Variants in TLR8 observed in about 807,000 individuals in gnomAD.
TLR8 encodes the protein toll like receptor 8.
A neutral mutation model predicts 18.5 loss-of-function variants in TLR8; 5 were observed. That is an observed-to-expected ratio of 0.27 (90% confidence interval 0.14 to 0.57). TLR8 has a LOEUF of 0.57. Among genes scored for constraint, TLR8 ranks in the 20% least tolerant of loss-of-function variants. TLR8 has a pLI of 0.92. For synonymous variants in TLR8, 299 were observed against 300.1 expected (o/e 1.00, Z 0.04); for missense variants, 543 against 769.8 (o/e 0.71, Z 3.49).
chrX:12,915,393 T>C (rs1351761562), intron 1 of TLR8, among the ~76,000 whole-genome samples: 1 of 112,461 alleles, frequency 8.9e-6, no homozygotes, highest in Non-Finnish European at 1.9e-5. Flanking sequence ...GTCCAACTCC[T>C]GAGCTCCAGT....
chrX:12,918,952 AC>A (rs1359264558), intron 1 of TLR8, 91 bp from the exon 2 acceptor site: 1 of 957,158 alleles, frequency 1.0e-6, no homozygotes, highest in Non-Finnish European at 1.4e-6. Context: ...CAAAATTCAT[AC>A]AAGTATGGGG....
In TLR8 at chrX:12,922,289, C is replaced by A; in HGVS notation, c.*123C>A. 1.1e-6 allele frequency: 1 copy of A among 952,264 alleles called. No individual in the cohort carries two copies. Among genetic ancestry groups the A allele is most frequent in the Non-Finnish European group, 1.4e-6 (1 of 705,923 alleles). 78.5% of individuals were successfully genotyped at this position (952,264 alleles called of 1,213,427 possible). On this transcript the variant is annotated 3_prime_UTR_variant, in exon 2 of 2. Coordinates refer to ENST00000218032, the MANE Select transcript of TLR8 (RefSeq NM_138636.5). ...TTAGTGGTTTAAAACAACACATTTG[C>A]TGGCCCACAGTTTTTGAGGGTCAGG...
In TLR8 at chrX:12,921,394, G is replaced by A; in HGVS notation, c.2354G>A (p.Arg785Lys). 2 of 1,212,081 alleles carry A rather than the reference G, an allele frequency of 1.7e-6. No individual in the cohort carries two copies. Among genetic ancestry groups the A allele is most frequent in the Non-Finnish European group, 2.2e-6 (2 of 895,522 alleles). ...ACCTGTGACATTGGAGATTTCCGAA[G>A]ATGGATGGATGAACATCTGAATGTC... is the stretch of plus-strand genomic sequence containing the variant. The part of the protein sequence containing the change: ...ECTCDIGDFR[R>K]WMDEHLNVKI... The change falls in exon 2 of 2, where the codon AGA becomes AAA. Residue 785 changes from arginine (R) to lysine (K), a missense_variant. Physicochemically the swap from Arg to Lys is conservative, Grantham distance 26. This residue lies in a region of TLR8 where 227 missense variants were observed against 312.9 expected (regional missense o/e 0.73). Transcript: ENST00000218032.
At chrX:12,918,282 G>A (rs2043068905) in intron 1 of TLR8, among the ~76,000 whole-genome samples, 1 of 111,812 alleles carries the variant, frequency 8.9e-6, no homozygotes, top group Non-Finnish European at 1.9e-5. Context: ...CTGCCTAGAA[G>A]ATCTAGGATG....
At chrX:12,918,510 T>C (rs763843230) in intron 1 of TLR8, among the ~76,000 whole-genome samples, 1 of 111,471 alleles carries the variant, frequency 9.0e-6, no homozygotes, top group Admixed American at 9.5e-5. Flanking sequence ...CATCATAATC[T>C]CAGATAGCTT....
At chrX:12,918,532 T>G (rs1273980327) in intron 1 of TLR8, among the ~76,000 whole-genome samples, 1 of 111,033 alleles carries the variant, frequency 9.0e-6, no homozygotes, top group Admixed American at 9.6e-5. Flanking sequence ...ATCTTCAACT[T>G]CCTTTTTTTT....
At chrX:12,912,988 C>A (rs749674708) in intron 1 of TLR8, among the ~76,000 whole-genome samples, 13 of 112,063 alleles carry the variant, frequency 1.2e-4, no homozygotes, top group Non-Finnish European at 2.4e-4. Context: ...CCTCTGGACC[C>A]GCCCAAGTGT....
intron 1 of TLR8, among the ~76,000 whole-genome samples, chrX:12,911,197 C>T (rs190553102): frequency 1.6e-4 from 18 of 112,136 alleles, no homozygotes; most frequent in African/African-American, 5.5e-4. Context: ...TTACTTGATT[C>T]GTTTCCCAGG....
intron 1 of TLR8, 57 bp downstream of exon 1, chrX:12,906,766 C>T: frequency 3.9e-6 from 4 of 1,038,757 alleles, no homozygotes; most frequent in Admixed American, 3.7e-5. Flanking sequence ...GGTTTCTGAC[C>T]CAGAAATCTG....
chrX:12,916,490 A>T (rs936754072), intron 1 of TLR8, among the ~76,000 whole-genome samples: 1 of 111,872 alleles, frequency 8.9e-6, no homozygotes, highest in African/African-American at 3.3e-5. Flanking sequence ...AGTGCCTTGC[A>T]TGTCTGAGCC....
intron 1 of TLR8, among the ~76,000 whole-genome samples, chrX:12,910,777 G>A (rs1460688338): frequency 8.9e-6 from 1 of 112,228 alleles, no homozygotes; most frequent in Non-Finnish European, 1.9e-5. Flanking sequence ...GGCTGTTGTT[G>A]TTGTGCTGTC....
At chrX:12,907,539 A>G in intron 1 of TLR8, among the ~76,000 whole-genome samples, 1 of 111,971 alleles carries the variant, frequency 8.9e-6, no homozygotes, top group South Asian at 3.7e-4. Flanking sequence ...AAGTACACTT[A>G]AGTCTTTTGA....
chrX:12,915,404 G>A (rs1457372987), intron 1 of TLR8, among the ~76,000 whole-genome samples: 1 of 112,502 alleles, frequency 8.9e-6, no homozygotes, highest in Non-Finnish European at 1.9e-5. Flanking sequence ...GAGCTCCAGT[G>A]ATCCACCTGC....
At chrX:12,908,743 A>C (rs2043001677) in intron 1 of TLR8, among the ~76,000 whole-genome samples, 1 of 112,637 alleles carries the variant, frequency 8.9e-6, no homozygotes, top group Admixed American at 9.4e-5. Flanking sequence ...GGAAGAGCTG[A>C]AATGTATTTA....
At chrX:12,911,727 T>C (rs1368233264) in intron 1 of TLR8, among the ~76,000 whole-genome samples, 1 of 112,699 alleles carries the variant, frequency 8.9e-6, no homozygotes, top group East Asian at 2.8e-4. Flanking sequence ...CTAATACTTA[T>C]CTTATTTCTA....
intron 1 of TLR8, chrX:12,910,416 T>G (rs760181376): frequency 7.7e-5 from 90 of 1,166,463 alleles, no homozygotes; most frequent in Non-Finnish European, 6.1e-5. Context: ...AAATAGCTCC[T>G]GCAGCCTGGG....
chrX:12,910,570 T>G, intron 1 of TLR8: 1 of 752,171 alleles, frequency 1.3e-6, no homozygotes, highest in Non-Finnish European at 1.9e-6. Context: ...ACATCTGGTC[T>G]CCGCCCTGGC....
intron 1 of TLR8, among the ~76,000 whole-genome samples, chrX:12,909,786 C>A (rs1435521613): frequency 2.7e-5 from 3 of 111,978 alleles, no homozygotes; most frequent in African/African-American, 9.8e-5. Context: ...TCTGAGTGAC[C>A]TTGAAAACAT....
At chrX:12,910,608 G>A (rs2043014539) in intron 1 of TLR8, among the ~76,000 whole-genome samples, 1 of 112,255 alleles carries the variant, frequency 8.9e-6, no homozygotes, top group South Asian at 3.7e-4. Flanking sequence ...GGCGAATTCT[G>A]GGTGTGTCCT....
Sources: gnomAD v4.1 joint callset for allele counts (sites outside exome capture counted in the v4.1 genomes callset) on GRCh38, gnomAD v4.1.1 for gene constraint, gnomAD v4.1.1 regional missense constraint, MANE v1.5 for transcripts, NCBI Gene and HGNC (gene_info 2026-07-23, HGNC 2026-07-21) for gene names.